The following SETD1B variants were observed in gnomAD, a reference collection of about 807,000 sequenced individuals.
SETD1B encodes histone-lysine N-methyltransferase SETD1B.
SETD1B carries 7 observed loss-of-function variants against 148.0 expected under a neutral mutation model. That is an observed-to-expected ratio of 0.05 (90% CI 0.03 to 0.09). The LOEUF (loss-of-function observed/expected upper bound fraction) is 0.09, where lower values mean the gene tolerates loss of function less well. SETD1B is among the 10% of genes least tolerant of loss of function. The pLI is 1.00. For synonymous variants in SETD1B, 1,361 were observed against 1,186.5 expected, an observed-to-expected ratio of 1.15 and a Z score of -3.02; for missense variants, 2,155 against 2,729.9, an observed-to-expected ratio of 0.79 and a Z score of 4.69.
intron 11 of SETD1B, 114 bp from the exon 12 acceptor site, chr12:121,822,376 G>A: frequency 7.9e-7 from 1 of 1,269,458 alleles, no homozygotes; most frequent in Non-Finnish European, 1.1e-6. Context: ...AGAAGGACAG[G>A]TCCCGTGCTC....
rs1323804873 is a variant in SETD1B at position 121,804,549 on chromosome 12, G to A, written c.-14-175G>A. Among the ~76,000 whole-genome samples, 1 of 151,540 alleles carries A rather than the reference G, an allele frequency of 6.6e-6. No homozygotes were observed. The highest frequency in any genetic ancestry group is 1.5e-5 in the Non-Finnish European group (1 of 67,782). On this transcript the variant is annotated intron_variant, in intron 1 of 16. Coordinates refer to ENST00000604567, the MANE Select transcript of SETD1B (RefSeq NM_001353345.2). The surrounding 1 kb of genome is among the most constrained non-coding windows in gnomAD (Gnocchi z 4.6). ...GGCGGGCGCGTAATTCTCCCGGAAG[G>A]GTTATTCTCTCGCTCCATTCTTGTT...
In SETD1B at chr12:121,823,414, A is replaced by G; in HGVS notation, c.4835A>G (p.Gln1612Arg). 6.8e-7 allele frequency: 1 copy of G among 1,476,044 alleles called. No individual in the cohort carries two copies. Among genetic ancestry groups the G allele is most frequent in the Non-Finnish European group, 9.1e-7 (1 of 1,104,102 alleles). The allele number at this position is 1,476,044 out of a possible 1,614,324, so 91.4% of individuals were successfully genotyped here. Residue 1612 changes from glutamine to arginine, a missense_variant, in exon 12 of 17, where the codon CAG becomes CGG. Coordinates refer to ENST00000604567, the MANE Select transcript of SETD1B (RefSeq NM_001353345.2). ...CTGCCCTTTAAGGAGCTAGACAACCAGTGGCCCTCCGAGGCCATTCCTCCG... is the reference window on the plus strand; with the variant it reads ...CTGCCCTTTAAGGAGCTAGACAACCGGTGGCCCTCCGAGGCCATTCCTCCG... Reference protein sequence around the residue: ...TKLPFKELDNQWPSEAIPPGP... With the variant: ...TKLPFKELDNRWPSEAIPPGP...
chr12:121,825,868 A>G (rs1391912655), intron 13 of SETD1B, among the ~76,000 whole-genome samples: 1 of 151,752 alleles, frequency 6.6e-6, no homozygotes, highest in Non-Finnish European at 1.5e-5. Context: ...TTGGTCTCGA[A>G]CTCCTGACCT....
chr12:121,816,919 AG>A, intron 7 of SETD1B, 113 bp from the exon 8 acceptor site: 4 of 911,542 alleles, frequency 4.4e-6, no homozygotes, highest in Non-Finnish European at 6.4e-6. Flanking sequence ...ATGAGGATGC[AG>A]TTACCTGTGG....
In SETD1B at chr12:121,819,576, C is replaced by A. The variant is rs552984937; in HGVS notation, c.3591C>A (p.Ala1197=). The change falls in exon 11 of 17, where the codon GCC becomes GCA. Residue 1197 remains alanine, a synonymous_variant. Transcript: ENST00000604567. ...AAGAGGAGGAGGAGGAGATGGTGGC[C>A]GAGGAAAGCATGGCTTCTGCAGGCC... ...EEEEEEEEMV[A]EESMASAGPE... 9 of 1,552,262 alleles carry A rather than the reference C, an allele frequency of 5.8e-6. No individual in the cohort carries two copies. Among genetic ancestry groups the A allele is most frequent in the Non-Finnish European group, 7.8e-6 (9 of 1,147,270 alleles).
At chr12:121,794,009 CT>C in the SETD1B span, 4 of 182,150 alleles carry the variant, frequency 2.2e-5, no homozygotes, top group Non-Finnish European at 4.5e-5. Flanking sequence ...CAGGGACCCT[CT>C]GATTGGCTGG....
intron 6 of SETD1B, among the ~76,000 whole-genome samples, chr12:121,813,565 C>G (rs1019794896): frequency 6.6e-6 from 1 of 152,160 alleles, no homozygotes; most frequent in Non-Finnish European, 1.5e-5. Flanking sequence ...GAAAATAGGG[C>G]TGTTCTGAGG....
Position 121,805,369 on chromosome 12 carries a change from G to C in SETD1B, c.273+153G>C, listed in dbSNP as rs1347811517. On this transcript the variant is annotated intron_variant, in intron 3 of 16. Coordinates refer to ENST00000604567, the MANE Select transcript of SETD1B (RefSeq NM_001353345.2). The surrounding 1 kb of genome is among the most constrained non-coding windows in gnomAD (Gnocchi z 4.2). ...GGAGGGGTAGAGCGCTGGCGAGAGGGTGTCCCCTCTCAGCTACTGAAAACA... is the reference window on the plus strand; with the variant it reads ...GGAGGGGTAGAGCGCTGGCGAGAGGCTGTCCCCTCTCAGCTACTGAAAACA... Among the ~76,000 whole-genome samples, 1 of 152,068 alleles carries C rather than the reference G, an allele frequency of 6.6e-6. No homozygotes were observed. The highest frequency in any genetic ancestry group is 1.5e-5 in the Non-Finnish European group (1 of 67,990).
chr12:121,827,396 C>A, intron 13 of SETD1B, 123 bp from the exon 14 acceptor site: 1 of 1,230,942 alleles, frequency 8.1e-7, no homozygotes, highest in Non-Finnish European at 1.1e-6. Flanking sequence ...TAGGGACCGA[C>A]AGGTGTGGAG....
At chr12:121,828,519 C>T (rs1190254078) in intron 16 of SETD1B, among the ~76,000 whole-genome samples, 1 of 152,192 alleles carries the variant, frequency 6.6e-6, no homozygotes, top group East Asian at 1.9e-4. Flanking sequence ...GTGCCCAGTG[C>T]ATCTGGGGAC....
At chr12:121,809,075 T>C (rs916120822) in intron 5 of SETD1B, among the ~76,000 whole-genome samples, 1 of 152,156 alleles carries the variant, frequency 6.6e-6, no homozygotes, top group African/African-American at 2.4e-5. Context: ...GGTTTCACCA[T>C]GTTGTCCAGG....
At chr12:121,796,446 C>A in the SETD1B span, among the ~76,000 whole-genome samples, 1 of 152,212 alleles carries the variant, frequency 6.6e-6, no homozygotes, top group Non-Finnish European at 1.5e-5. Context: ...GCTGTGTTGT[C>A]AGAGCAAAGT....
In SETD1B at chr12:121,817,151, A is replaced by AGGGCCT. The variant is rs1876330045; in HGVS notation, c.2845_2850dup (p.Leu949_Gly950dup). 6 of 1,549,204 alleles carry AGGGCCT rather than the reference A, an allele frequency of 3.9e-6. No individual in the cohort carries two copies. The highest frequency in any genetic ancestry group is 5.2e-6 in the Non-Finnish European group (6 of 1,146,898). ...GGCAAGGGCGAGGGCCTGGGCTACG[A>AGGGCCT]GGGCCTGGGCCTGGGCATTGGGCTG... On this transcript the variant is annotated inframe_insertion, in exon 8 of 17. Coordinates refer to ENST00000604567, the MANE Select transcript of SETD1B (RefSeq NM_001353345.2). The surrounding 1 kb of genome is among the most constrained non-coding windows in gnomAD (Gnocchi z 8.1).
At chr12:121,796,817 G>A in the SETD1B span, among the ~76,000 whole-genome samples, 2 of 152,126 alleles carry the variant, frequency 1.3e-5, no homozygotes, top group Admixed American at 6.5e-5. Context: ...CGAGGTGGGC[G>A]GATCACCTGA....
At chr12:121,798,351 C>CT in the SETD1B span, among the ~76,000 whole-genome samples, 1 of 152,234 alleles carries the variant, frequency 6.6e-6, no homozygotes, top group Non-Finnish European at 1.5e-5. Context: ...GCCAGATTCC[C>CT]CTTTGCCCTG....
At chr12:121,820,592 G>A (rs990096880) in intron 11 of SETD1B, among the ~76,000 whole-genome samples, 43 of 152,252 alleles carry the variant, frequency 2.8e-4, no homozygotes, top group African/African-American at 9.9e-4. Context: ...GGAGTGCAGT[G>A]GCACGATCTC....
chr12:121,830,605 T>C lies in SETD1B; in HGVS notation c.*366T>C, dbSNP rs770849951. The C allele has an allele frequency of 4.4e-5, 8 of 183,858 alleles. No individual in the cohort carries two copies. Among genetic ancestry groups the C allele is most frequent in the South Asian group, 1.6e-4 (1 of 6,178 alleles). The allele number at this position is 183,858 out of a possible 1,614,324, so 11.4% of individuals were successfully genotyped here. Reference sequence around the variant, plus strand: ...CCTCTTCCTGTGAATGCTGCTACGTTGTTTTGTCTTCTCTATTTTTTTCCT... The same window carrying C: ...CCTCTTCCTGTGAATGCTGCTACGTCGTTTTGTCTTCTCTATTTTTTTCCT... On this transcript the variant is annotated 3_prime_UTR_variant, in exon 17 of 17. Coordinates refer to ENST00000604567, the MANE Select transcript of SETD1B (RefSeq NM_001353345.2). This position sits in a 1 kb window ranked among gnomAD's most constrained non-coding sequence, Gnocchi z 5.7.
rs1875838934 is a variant in SETD1B at position 121,808,141 on chromosome 12, G to C, written c.545-67G>C. ...GACCCACCAGGGTGCCACACAGGTT[G>C]GAATCCTTGTGGGGGCTGCCCCATC... On this transcript the variant is annotated intron_variant, in intron 4 of 16. Coordinates refer to ENST00000604567, the MANE Select transcript of SETD1B (RefSeq NM_001353345.2). This position sits in a 1 kb window ranked among gnomAD's most constrained non-coding sequence, Gnocchi z 5.3. 7 of 1,292,854 alleles carry C rather than the reference G, an allele frequency of 5.4e-6. No individual in the cohort carries two copies. The South Asian group carries it at 9.4e-5, about 17-fold the overall frequency. The allele number at this position is 1,292,854 out of a possible 1,614,324, so 80.1% of individuals were successfully genotyped here.
In SETD1B at chr12:121,828,003, A is replaced by C; in HGVS notation, c.5660A>C (p.Asp1887Ala). The change falls in exon 16 of 17, where the codon GAC becomes GCC. Residue 1887 changes from aspartate (D) to alanine (A), a missense_variant. Asp to Ala is a moderately radical substitution (Grantham distance 126, BLOSUM62 -2). This residue lies in a region of SETD1B where 51 missense variants were observed against 162.8 expected (regional missense o/e 0.31). Transcript: ENST00000604567. ...GGGAGCAGCTACATGTTCCGGGTGG[A>C]CCATGACACCATCATCGACGCCACC... ...GIGSSYMFRV[D>A]HDTIIDATKC... 1 of 1,552,158 alleles carries C rather than the reference A, an allele frequency of 6.4e-7. No homozygotes were observed. The highest frequency in any genetic ancestry group is 8.7e-7 in the Non-Finnish European group (1 of 1,147,128).
Sources: gnomAD v4.1 joint callset for allele counts (sites outside exome capture counted in the v4.1 genomes callset) on GRCh38, gnomAD v4.1.1 for gene constraint, gnomAD v4.1.1 regional missense constraint, Gnocchi (gnomAD v3.1) non-coding constraint, MANE v1.5 for transcripts, NCBI Gene and HGNC (gene_info 2026-07-23, HGNC 2026-07-21) for gene names.